Variants in CNTLN observed in about 807,000 individuals in gnomAD.
The protein encoded by CNTLN is centlein, also known as centlein, centrosomal protein.
A neutral mutation model predicts 180.0 loss-of-function variants in CNTLN; 212 were observed. The observed-to-expected ratio is 1.18, with a 90% confidence interval of 1.05 to 1.32. The LOEUF is 1.32. Ranked by LOEUF, CNTLN falls within the 40% of genes most tolerant of loss-of-function variation. The pLI, the probability that CNTLN is intolerant of heterozygous loss-of-function variation, is 0.00. For missense variants in CNTLN, 2,095 were observed against 1,610.9 expected, an observed-to-expected ratio of 1.30 and a Z score of -5.14; for synonymous variants, 722 against 563.1, an observed-to-expected ratio of 1.28 and a Z score of -3.99.
At chr9:17,511,291 G>A in the CNTLN span, among the ~76,000 whole-genome samples, 1 of 152,084 alleles carries the variant, frequency 6.6e-6, no homozygotes, top group Non-Finnish European at 1.5e-5. Context: ...CAATTATCAT[G>A]GGTTTTACAA....
At position 17,267,533 on chromosome 9, in the gene CNTLN, C is replaced by G. The variant is rs578117044; in HGVS notation, c.850-6200C>G. ...TTATGTGTCTTGGAGTTGCTCTTCTCGAGGAGTATCTTTGTGGCGTTCTCT... is the reference window on the plus strand; with the variant it reads ...TTATGTGTCTTGGAGTTGCTCTTCTGGAGGAGTATCTTTGTGGCGTTCTCT... On this transcript the variant is annotated intron_variant, in intron 5 of 25. Transcript: ENST00000380647. Among the ~76,000 whole-genome samples, 7 of 151,948 alleles carry G rather than the reference C, an allele frequency of 4.6e-5. No individual in the cohort carries two copies. In the South Asian group the frequency reaches 8.3e-4, roughly 18 times the overall value.
chr9:17,459,934 G>A (rs970553044), intron 19 of CNTLN, among the ~76,000 whole-genome samples: 1 of 151,520 alleles, frequency 6.6e-6, no homozygotes, highest in Non-Finnish European at 1.5e-5. Context: ...ATTTGTTTAG[G>A]GGAAACAGAA....
At chr9:17,346,680 G>T (rs528170638) in intron 12 of CNTLN, among the ~76,000 whole-genome samples, 1 of 152,090 alleles carries the variant, frequency 6.6e-6, no homozygotes, top group East Asian at 1.9e-4. Flanking sequence ...CAGAAGTTTG[G>T]TCATAACATG....
At chr9:17,335,412 G>T (rs914500811) in intron 10 of CNTLN, among the ~76,000 whole-genome samples, 1 of 151,944 alleles carries the variant, frequency 6.6e-6, no homozygotes, top group African/African-American at 2.4e-5. Flanking sequence ...AGCTACTCAG[G>T]GGGCTGAGGC....
At chr9:17,489,275 A>C (rs1833032304) in intron 25 of CNTLN, among the ~76,000 whole-genome samples, 1 of 152,120 alleles carries the variant, frequency 6.6e-6, no homozygotes, top group South Asian at 2.1e-4. Flanking sequence ...CAAAAGTGTA[A>C]ATATGTTCAT....
intron 8 of CNTLN, among the ~76,000 whole-genome samples, chr9:17,311,261 G>A (rs1366351442): frequency 6.6e-6 from 1 of 151,778 alleles, no homozygotes; most frequent in East Asian, 2.0e-4. Flanking sequence ...CTGACCTCAG[G>A]TGATCCACCC....
chr9:17,351,014 G>T (rs1288505985), intron 12 of CNTLN, among the ~76,000 whole-genome samples: 1 of 152,130 alleles, frequency 6.6e-6, no homozygotes, highest in African/African-American at 2.4e-5. Context: ...GAAAAATCTA[G>T]GTAAATTGTT....
intron 13 of CNTLN, among the ~76,000 whole-genome samples, chr9:17,369,118 A>G (rs1308466955): frequency 6.6e-6 from 1 of 152,090 alleles, no homozygotes; most frequent in Admixed American, 6.5e-5. Flanking sequence ...TAATTGAATC[A>G]TGGGGGTGGT....
At chr9:17,256,561 CT>C (rs573897019) in intron 5 of CNTLN, among the ~76,000 whole-genome samples, 141 of 143,640 alleles carry the variant, frequency 9.8e-4, no homozygotes, top group Admixed American at 9.1e-4. Context: ...TATGTCTTCT[CT>C]TTTTTTTTTT....
intron 15 of CNTLN, among the ~76,000 whole-genome samples, chr9:17,399,054 A>G (rs902016644): frequency 6.6e-6 from 1 of 152,160 alleles, no homozygotes; most frequent in African/African-American, 2.4e-5. Flanking sequence ...TTAGTTTTCC[A>G]TATATTTGCC....
Position 17,236,497 on chromosome 9 carries a change from G to C in CNTLN, c.758G>C (p.Arg253Pro). The C allele has an allele frequency of 6.2e-7, 1 of 1,613,602 alleles. No individual in the cohort carries two copies. The highest frequency in any genetic ancestry group is 8.5e-7 in the Non-Finnish European group (1 of 1,179,722). Reference sequence around the variant, plus strand: ...GAGGAAAACAAGAAATTAAGTACCCGCTGCACTGACCTGCTAAATGACCTG... The same window carrying C: ...GAGGAAAACAAGAAATTAAGTACCCCCTGCACTGACCTGCTAAATGACCTG... ...LEEENKKLST[R>P]CTDLLNDLEK... The change falls in exon 5 of 26, where the codon CGC becomes CCC. Residue 253 changes from arginine (R) to proline (P), a missense_variant. Transcript: ENST00000380647.
the CNTLN span, among the ~76,000 whole-genome samples, chr9:17,513,650 T>C: frequency 6.6e-6 from 1 of 151,972 alleles, no homozygotes; most frequent in Non-Finnish European, 1.5e-5. Context: ...TGAGCTGTGA[T>C]TGTGCCACCG....
rs560663933 is a variant in CNTLN, at chr9:17,359,064, G to A, written c.1887-7553G>A. ...AAATAAGGTCTTACTTTGTCACTCC[G>A]CTGGAGTGCAGTGGCACAATCTCAG... On this transcript the variant is annotated intron_variant, in intron 12 of 25. Coordinates refer to ENST00000380647, the MANE Select transcript of CNTLN (RefSeq NM_017738.4). 2.1e-4 allele frequency among the ~76,000 whole-genome samples: 30 copies of A among 143,264 alleles called. No homozygotes were observed. In the East Asian group the frequency reaches 5.4e-3, roughly 26 times the overall value. 94.0% of individuals were successfully genotyped at this position (143,264 alleles called of 152,430 possible).
chr9:17,342,185 T>C (rs1821533587), intron 11 of CNTLN, 140 bp from the exon 12 acceptor site: 1 of 848,154 alleles, frequency 1.2e-6, no homozygotes, highest in Non-Finnish European at 1.8e-6. Context: ...GCTTAGGTTT[T>C]AGGAAATTCA....
chr9:17,466,945 G>A (rs1213874591), intron 23 of CNTLN, 54 bp downstream of exon 23: 6 of 1,275,918 alleles, frequency 4.7e-6, no homozygotes, highest in African/African-American at 4.5e-5. Context: ...CAGATAGGCA[G>A]TAGCCTACTT....
At chr9:17,292,893 T>G (rs906397043) in intron 6 of CNTLN, among the ~76,000 whole-genome samples, 13 of 152,092 alleles carry the variant, frequency 8.5e-5, no homozygotes, top group Non-Finnish European at 1.5e-4. Context: ...GCTTTTTGAA[T>G]TTTCATTGAT....
intron 24 of CNTLN, among the ~76,000 whole-genome samples, chr9:17,485,255 A>G (rs949316928): frequency 5.3e-5 from 8 of 152,226 alleles, no homozygotes; most frequent in African/African-American, 1.9e-4. Context: ...TTGTTCAATG[A>G]TAGACTTGGG....
chr9:17,457,639 CA>C lies in CNTLN; in HGVS notation c.3231del (p.Arg1078GlyfsTer17). On this transcript the variant is annotated frameshift_variant, in exon 19 of 26. Coordinates refer to ENST00000380647, the MANE Select transcript of CNTLN (RefSeq NM_017738.4). LOFTEE classifies it high-confidence loss of function. ...LAEENSQVTF[P>X]RIQVTSLSPS... ...GAAGAAAATTCCCAGGTAACATTTC[CA>C]CGGATACAAGTTACATCACTTAGTC... is the stretch of plus-strand genomic sequence containing the variant. 6.4e-7 allele frequency: 1 copy of C among 1,552,154 alleles called. No individual in the cohort carries two copies. Among genetic ancestry groups the C allele is most frequent in the Non-Finnish European group, 8.7e-7 (1 of 1,147,014 alleles).
At chr9:17,266,997 G>A (rs1002605585) in intron 5 of CNTLN, among the ~76,000 whole-genome samples, 6 of 152,090 alleles carry the variant, frequency 3.9e-5, no homozygotes, top group Non-Finnish European at 8.8e-5. Flanking sequence ...TATCCAATTT[G>A]CCAGTCTGTG....
Sources: gnomAD v4.1 joint callset for allele counts (sites outside exome capture counted in the v4.1 genomes callset) on GRCh38, gnomAD v4.1.1 for gene constraint, MANE v1.5 for transcripts, NCBI Gene and HGNC (gene_info 2026-07-23, HGNC 2026-07-21) for gene names.